Variants in MYT1L observed in about 807,000 individuals in gnomAD.
MYT1L encodes the protein myelin transcription factor 1-like protein.
MYT1L carries 12 observed loss-of-function variants against 126.7 expected under a neutral mutation model. The ratio of observed to expected loss-of-function variants is 0.09; its 90% CI spans 0.06 to 0.15. MYT1L has a LOEUF of 0.15. Ranked by LOEUF, MYT1L falls within the 10% of genes least tolerant of loss-of-function variation. The pLI, the probability that MYT1L is intolerant of heterozygous loss-of-function variation, is 1.00. For synonymous variants in MYT1L, 541 were observed against 604.2 expected, an observed-to-expected ratio of 0.90 and a Z score of 1.53; for missense variants, 979 against 1,585.2, an observed-to-expected ratio of 0.62 and a Z score of 6.49.
intron 2 of MYT1L, among the ~76,000 whole-genome samples, chr2:2,243,765 G>A (rs775012048): frequency 1.1e-4 from 16 of 152,158 alleles, no homozygotes; most frequent in Non-Finnish European, 2.4e-4. Context: ...ATTCTGGTGG[G>A]AGCTGCGAGC....
intron 14 of MYT1L, among the ~76,000 whole-genome samples, chr2:1,896,763 A>G (rs1034897777): frequency 2.6e-5 from 4 of 152,234 alleles, no homozygotes; most frequent in Admixed American, 2.0e-4. Flanking sequence ...CCGTGTAATG[A>G]ACATGCACAG....
At chr2:2,208,769 T>C (rs2093401419) in intron 2 of MYT1L, among the ~76,000 whole-genome samples, 1 of 152,228 alleles carries the variant, frequency 6.6e-6, no homozygotes, top group African/African-American at 2.4e-5. Context: ...TAATTTATCT[T>C]GATACTTGCT....
intron 19 of MYT1L, among the ~76,000 whole-genome samples, chr2:1,843,110 C>A (rs566109917): frequency 6.6e-6 from 1 of 152,238 alleles, no homozygotes; most frequent in Non-Finnish European, 1.5e-5. Flanking sequence ...TCCCTGCAAC[C>A]CTTGCCGCCA....
At chr2:2,245,068 G>A (rs2094507675) in intron 2 of MYT1L, among the ~76,000 whole-genome samples, 1 of 152,198 alleles carries the variant, frequency 6.6e-6, no homozygotes, top group African/African-American at 2.4e-5. Context: ...TAACAACACA[G>A]CATACTCGTA....
Position 1,929,249 on chromosome 2 carries a change from C to T in MYT1L, c.506-5986G>A, listed in dbSNP as rs1431289089. 2.0e-5 allele frequency among the ~76,000 whole-genome samples: 3 copies of T among 152,132 alleles called. No individual in the cohort carries two copies. The highest frequency in any genetic ancestry group is 7.2e-5 in the African/African-American group (3 of 41,442). On this transcript the variant is annotated intron_variant, in intron 9 of 24. Transcript: ENST00000647738. The surrounding 1 kb of genome is among the most constrained non-coding windows in gnomAD (Gnocchi z 4.7). ...CGCTGACCTCGGCGCCCCTCAGCTG[C>T]CGGCAGCACAGGACATGGCCTGGCT...
chr2:1,897,367 C>A (rs1329977608), intron 14 of MYT1L, among the ~76,000 whole-genome samples: 1 of 152,210 alleles, frequency 6.6e-6, no homozygotes, highest in Non-Finnish European at 1.5e-5. Context: ...TGTTCCCCCT[C>A]TTCCAGCACA....
At chr2:2,215,709 CCAA>C (rs1018620061) in intron 2 of MYT1L, among the ~76,000 whole-genome samples, 18 of 152,278 alleles carry the variant, frequency 1.2e-4, no homozygotes, top group Middle Eastern at 3.4e-3. Flanking sequence ...AACACTGCCT[CCAA>C]CAACAAGATA....
At chr2:2,134,052 G>A (rs1254300763) in intron 3 of MYT1L, among the ~76,000 whole-genome samples, 2 of 152,128 alleles carry the variant, frequency 1.3e-5, no homozygotes, top group African/African-American at 2.4e-5. Context: ...GTCTCCTGAT[G>A]GTGGTGTGGT....
At chr2:2,080,187 C>A (rs971718855) in intron 3 of MYT1L, among the ~76,000 whole-genome samples, 6 of 151,938 alleles carry the variant, frequency 3.9e-5, no homozygotes, top group Non-Finnish European at 8.8e-5. Flanking sequence ...TATCAAAGGC[C>A]TAAATGTAGA....
intron 3 of MYT1L, among the ~76,000 whole-genome samples, chr2:2,140,941 CT>C (rs906509715): frequency 8.5e-5 from 13 of 152,158 alleles, no homozygotes; most frequent in Middle Eastern, 3.4e-3. Context: ...TTATCAAATA[CT>C]TTTTTTTAAA....
chr2:2,174,713 AT>A, intron 2 of MYT1L, among the ~76,000 whole-genome samples: 2 of 152,230 alleles, frequency 1.3e-5, no homozygotes, highest in East Asian at 1.9e-4. Flanking sequence ...TAAACTTGAC[AT>A]TATTGATACT....
chr2:2,267,918 C>T (rs1042230686), intron 2 of MYT1L, among the ~76,000 whole-genome samples: 2 of 151,950 alleles, frequency 1.3e-5, no homozygotes, highest in Admixed American at 1.3e-4. Context: ...TAAGCTCCCA[C>T]ACCACTCAAG....
intron 2 of MYT1L, among the ~76,000 whole-genome samples, chr2:2,190,000 C>T (rs1036035683): frequency 6.6e-6 from 1 of 152,310 alleles, no homozygotes; most frequent in Non-Finnish European, 1.5e-5. Flanking sequence ...TCCTCAGGGC[C>T]ACTGCACAGC....
rs539718087 is a variant in MYT1L, at chr2:1,989,182, G to T, written c.-1+8009C>A. Among the ~76,000 whole-genome samples, 26 of 152,180 alleles carry T rather than the reference G, an allele frequency of 1.7e-4. 1 individual carries two copies. Among genetic ancestry groups the T allele is most frequent in the Middle Eastern group, 3.4e-3 (1 of 294 alleles). On this transcript the variant is annotated intron_variant, in intron 5 of 24. Transcript: ENST00000647738. ...GGTGGGAACACAACTTTCTTTTCTA[G>T]ATGAGAATATTTTTCTTGGACTCTT... is the stretch of plus-strand genomic sequence containing the variant.
intron 2 of MYT1L, among the ~76,000 whole-genome samples, chr2:2,235,108 A>G (rs958210335): frequency 6.6e-6 from 1 of 152,210 alleles, no homozygotes; most frequent in African/African-American, 2.4e-5. Flanking sequence ...TGTGGCAACC[A>G]CAGGTTCTTC....
intron 1 of MYT1L, among the ~76,000 whole-genome samples, chr2:2,316,560 A>G (rs1050642183): frequency 6.6e-6 from 1 of 152,204 alleles, no homozygotes; most frequent in African/African-American, 2.4e-5. Flanking sequence ...AGTTAGGAAG[A>G]CTCATGTAGT....
chr2:2,084,930 T>A (rs2076208265), intron 3 of MYT1L, among the ~76,000 whole-genome samples: 1 of 152,186 alleles, frequency 6.6e-6, no homozygotes, highest in Admixed American at 6.5e-5. Context: ...CGCAGCCATG[T>A]GACAAAGCCC....
chr2:2,067,213 G>A (rs1042180404), intron 3 of MYT1L, among the ~76,000 whole-genome samples: 3 of 152,072 alleles, frequency 2.0e-5, no homozygotes, highest in Non-Finnish European at 4.4e-5. Context: ...AAATCCATGT[G>A]GTGTTGACTT....
chr2:1,854,336 C>A (rs558122540), intron 18 of MYT1L, among the ~76,000 whole-genome samples: 2 of 152,106 alleles, frequency 1.3e-5, no homozygotes, highest in South Asian at 4.2e-4. Flanking sequence ...ACTGGGCCAT[C>A]ATTAAATGTG....
Sources: gnomAD v4.1 joint callset for allele counts (sites outside exome capture counted in the v4.1 genomes callset) on GRCh38, gnomAD v4.1.1 for gene constraint, Gnocchi (gnomAD v3.1) non-coding constraint, MANE v1.5 for transcripts, NCBI Gene and HGNC (gene_info 2026-07-23, HGNC 2026-07-21) for gene names.